Variants in ARK2C observed in about 807,000 individuals in gnomAD.
ARK2C encodes the protein E3 ubiquitin-protein ligase ARK2C.
the ARK2C span, among the ~76,000 whole-genome samples, chr18:46,443,612 A>G: frequency 1.3e-5 from 2 of 152,342 alleles, no homozygotes; most frequent in East Asian, 3.9e-4. Flanking sequence ...TTATTGGAAC[A>G]TAGACACATC....
At chr18:46,456,400 T>C in the ARK2C span, 1 of 751,210 alleles carries the variant, frequency 1.3e-6, no homozygotes, top group East Asian at 2.5e-5. Context: ...GTTTCCCATC[T>C]CAGCCACAGC....
the ARK2C span, among the ~76,000 whole-genome samples, chr18:46,348,073 G>C: frequency 0.052 from 7,885 of 152,228 alleles, 638 homozygotes; most frequent in African/African-American, 0.18. Context: ...ACAGACGCAG[G>C]AACAGCATGG....
the ARK2C span, among the ~76,000 whole-genome samples, chr18:46,411,321 G>T: frequency 2.2e-4 from 33 of 152,240 alleles, no homozygotes; most frequent in African/African-American, 7.7e-4. Context: ...ATTGGCTGGA[G>T]AAAGGAAAGA....
the ARK2C span, among the ~76,000 whole-genome samples, chr18:46,379,741 G>A: frequency 5.9e-5 from 9 of 152,226 alleles, no homozygotes; most frequent in African/African-American, 2.2e-4. Flanking sequence ...AATCTAAAGC[G>A]ACATGTGACT....
chr18:46,393,513 C>G, the ARK2C span, among the ~76,000 whole-genome samples: 1,336 of 152,238 alleles, frequency 8.8e-3, 12 homozygotes, highest in African/African-American at 0.03. Context: ...AGCTTCATAC[C>G]CTGTCTGGAC....
chr18:46,369,741 C>T, the ARK2C span, among the ~76,000 whole-genome samples: 2 of 152,172 alleles, frequency 1.3e-5, no homozygotes, highest in Non-Finnish European at 2.9e-5. Flanking sequence ...GTCCTTATTC[C>T]TCTCATCACG....
At chr18:46,440,074 C>T in the ARK2C span, among the ~76,000 whole-genome samples, 2 of 152,236 alleles carry the variant, frequency 1.3e-5, no homozygotes, top group African/African-American at 4.8e-5. Context: ...GTGATATACC[C>T]GCCTCGGACT....
At chr18:46,358,821 G>A in the ARK2C span, among the ~76,000 whole-genome samples, 1 of 152,144 alleles carries the variant, frequency 6.6e-6, no homozygotes, top group Non-Finnish European at 1.5e-5. Context: ...GGTCATCACT[G>A]TGTCCCGGTG....
At chr18:46,411,751 C>G in the ARK2C span, among the ~76,000 whole-genome samples, 1 of 152,340 alleles carries the variant, frequency 6.6e-6, no homozygotes, top group East Asian at 1.9e-4. Flanking sequence ...TGGGGCTGCT[C>G]ACCCAATGTG....
chr18:46,410,228 A>T, the ARK2C span, among the ~76,000 whole-genome samples: 3 of 152,126 alleles, frequency 2.0e-5, no homozygotes, highest in Non-Finnish European at 1.5e-5. Flanking sequence ...GGCTTCTTGC[A>T]CCTCAGCTCT....
At chr18:46,370,625 C>T in the ARK2C span, among the ~76,000 whole-genome samples, 2 of 152,176 alleles carry the variant, frequency 1.3e-5, no homozygotes, top group South Asian at 4.1e-4. Flanking sequence ...CTTAAACGTA[C>T]CAGGTGTGGG....
At chr18:46,369,352 T>C in the ARK2C span, among the ~76,000 whole-genome samples, 1 of 146,154 alleles carries the variant, frequency 6.8e-6, no homozygotes, top group South Asian at 2.2e-4. Context: ...GAGCAGAGAG[T>C]GTTGTAGAAT....
the ARK2C span, among the ~76,000 whole-genome samples, chr18:46,445,683 A>T: frequency 6.6e-6 from 1 of 152,182 alleles, no homozygotes; most frequent in East Asian, 1.9e-4. Context: ...CATGGTCTGG[A>T]ATGTGCCTTC....
chr18:46,417,347 G>A, the ARK2C span, among the ~76,000 whole-genome samples: 3 of 152,162 alleles, frequency 2.0e-5, no homozygotes, highest in Admixed American at 6.5e-5. Context: ...TGACCAGTGA[G>A]GTCCTGCACC....
At chr18:46,407,329 C>A in the ARK2C span, among the ~76,000 whole-genome samples, 1 of 152,192 alleles carries the variant, frequency 6.6e-6, no homozygotes, top group Non-Finnish European at 1.5e-5. Flanking sequence ...TCTCCTGACA[C>A]CCCACTGAGA....
chr18:46,335,938 C>T, the ARK2C span: 2 of 985,330 alleles, frequency 2.0e-6, no homozygotes, highest in East Asian at 1.1e-4. Context: ...CTTCTGCCTC[C>T]GCATTTAGCT....
the ARK2C span, among the ~76,000 whole-genome samples, chr18:46,381,320 G>A: frequency 2.6e-5 from 4 of 152,154 alleles, no homozygotes; most frequent in South Asian, 2.1e-4. Context: ...AGGTTTAGCC[G>A]CAAGAAACAG....
At chr18:46,414,085 T>C in the ARK2C span, among the ~76,000 whole-genome samples, 2 of 152,226 alleles carry the variant, frequency 1.3e-5, no homozygotes, top group Non-Finnish European at 2.9e-5. Context: ...GCAGTTCTCA[T>C]CTGAATCCAC....
At chr18:46,408,217 A>C in the ARK2C span, among the ~76,000 whole-genome samples, 5 of 152,118 alleles carry the variant, frequency 3.3e-5, no homozygotes, top group African/African-American at 1.2e-4. Context: ...GCTGTGATGG[A>C]GGCTACTGAT....
Sources: gnomAD v4.1 joint callset for allele counts (sites outside exome capture counted in the v4.1 genomes callset) on GRCh38, gnomAD v4.1.1 for gene constraint, MANE v1.5 for transcripts, NCBI Gene and HGNC (gene_info 2026-07-23, HGNC 2026-07-21) for gene names.